Variants in RPAP3 observed in about 807,000 individuals in gnomAD.
RPAP3 encodes RNA polymerase II-associated protein 3.
Under a neutral mutation model 88.8 loss-of-function variants are expected in RPAP3, and 58 were observed. The observed-to-expected ratio is 0.65, with a 90% CI of 0.53 to 0.81. The LOEUF (loss-of-function observed/expected upper bound fraction) is 0.81. Ranked by LOEUF, RPAP3 falls within the 40% of genes least tolerant of loss-of-function variation. The pLI, the probability that RPAP3 is intolerant of heterozygous loss-of-function variation, is 0.00. For synonymous variants in RPAP3, 255 were observed against 259.9 expected (o/e 0.98, Z 0.18); for missense variants, 751 against 764.3 (o/e 0.98, Z 0.20).
intron 16 of RPAP3, among the ~76,000 whole-genome samples, chr12:47,664,263 G>A (rs868730684): frequency 5.9e-5 from 9 of 152,080 alleles, no homozygotes; most frequent in Admixed American, 2.0e-4. Flanking sequence ...GATGGCGGGC[G>A]CCTGTAGTCC....
At position 47,662,923 on chromosome 12, in the gene RPAP3, C is replaced by A. The variant is rs1444047962; in HGVS notation, c.*582G>T. Reference sequence around the variant, plus strand: ...AACATGGATATCTTAAGGGAAAAAACCCTATGGCATTAAAATGTAAGAATA... The same window carrying A: ...AACATGGATATCTTAAGGGAAAAAAACCTATGGCATTAAAATGTAAGAATA... On this transcript the variant is annotated 3_prime_UTR_variant, in exon 17 of 17. Transcript: ENST00000005386. The A allele has an allele frequency of 6.6e-6, 1 of 152,188 alleles. No individual in the cohort carries two copies. The highest frequency in any genetic ancestry group is 1.9e-4 in the East Asian group (1 of 5,208). The allele number at this position is 152,188 out of a possible 1,614,324, so 9.4% of individuals were successfully genotyped here. A position where few individuals can be genotyped will look rare whatever the true frequency, so the allele number is the denominator to read the frequency against.
At chr12:47,665,141 G>A (rs898456535) in intron 16 of RPAP3, among the ~76,000 whole-genome samples, 5 of 150,246 alleles carry the variant, frequency 3.3e-5, no homozygotes, top group African/African-American at 9.8e-5. Context: ...TGCCCAGGCT[G>A]GAGTGCAATG....
At chr12:47,702,339 AG>A (rs1939670163) in intron 2 of RPAP3, among the ~76,000 whole-genome samples, 1 of 152,182 alleles carries the variant, frequency 6.6e-6, no homozygotes, top group Admixed American at 6.5e-5. Flanking sequence ...TGAGGTCAAC[AG>A]ATCAAGACCA....
intron 12 of RPAP3, among the ~76,000 whole-genome samples, chr12:47,675,846 G>A (rs1939102418): frequency 6.6e-6 from 1 of 152,044 alleles, no homozygotes; most frequent in Non-Finnish European, 1.5e-5. Flanking sequence ...CGAGACAGAA[G>A]GTTAACAAGG....
chr12:47,701,402 A>G, intron 3 of RPAP3, 62 bp downstream of exon 3: 1 of 1,250,896 alleles, frequency 8.0e-7, no homozygotes, highest in South Asian at 1.7e-5. Flanking sequence ...ACCCATGATT[A>G]TCAGCTAACT....
At chr12:47,676,341 A>G (rs1156795045) in intron 12 of RPAP3, among the ~76,000 whole-genome samples, 1 of 152,236 alleles carries the variant, frequency 6.6e-6, no homozygotes, top group Non-Finnish European at 1.5e-5. Flanking sequence ...AAAGAACTAG[A>G]GAAGCAAGAG....
Position 47,667,094 on chromosome 12 carries a change from A to T in RPAP3, c.1812-14T>A, listed in dbSNP as rs1273532205. The T allele has an allele frequency of 1.6e-6, 2 of 1,226,296 alleles. No homozygotes were observed. Among genetic ancestry groups the T allele is most frequent in the Non-Finnish European group, 2.2e-6 (2 of 902,088 alleles). The allele number at this position is 1,226,296 out of a possible 1,614,324, so 76.0% of individuals were successfully genotyped here. A position where few individuals can be genotyped will look rare whatever the true frequency, so the allele number is the denominator to read the frequency against. On this transcript the variant is annotated splice_polypyrimidine_tract_variant and intron_variant, in intron 15 of 16. Coordinates refer to ENST00000005386, the MANE Select transcript of RPAP3 (RefSeq NM_024604.3). ...GGCTTTTCTTTCCTGAAATAATCCA[A>T]ATATAGAAACAAATGATCAGTTAAA... is the stretch of plus-strand genomic sequence containing the variant.
intron 16 of RPAP3, among the ~76,000 whole-genome samples, chr12:47,666,389 C>G (rs946255132): frequency 6.6e-6 from 1 of 152,212 alleles, no homozygotes; most frequent in African/African-American, 2.4e-5. Context: ...TTTCCTGCCT[C>G]AGAACCACTA....
chr12:47,685,196 T>A (rs548971708), intron 9 of RPAP3, among the ~76,000 whole-genome samples: 1 of 152,100 alleles, frequency 6.6e-6, no homozygotes, highest in Non-Finnish European at 1.5e-5. Context: ...CTGGCCAACA[T>A]GGCAAAACCC....
At chr12:47,697,514 T>G (rs2136641288) in intron 4 of RPAP3, 83 bp downstream of exon 4, 2 of 1,320,704 alleles carry the variant, frequency 1.5e-6, no homozygotes, top group East Asian at 4.8e-5. Context: ...GTACTAAAAC[T>G]ATGCTCAAGA....
chr12:47,699,184 T>G (rs1939597269), intron 3 of RPAP3, among the ~76,000 whole-genome samples: 1 of 152,242 alleles, frequency 6.6e-6, no homozygotes, highest in Admixed American at 6.5e-5. Context: ...AACTGCAAGC[T>G]ATGCAGTACA....
rs1258982352 is a variant in RPAP3 at position 47,663,425 on chromosome 12, T to C, written c.*80A>G. The stretch of plus-strand genomic sequence containing the variant: ...GTCCTTTCCTGCTATATAATTTCAT[T>C]TTCTTAAAAAGCAAAACACTTTCAG... On this transcript the variant is annotated 3_prime_UTR_variant, in exon 17 of 17. Coordinates refer to ENST00000005386, the MANE Select transcript of RPAP3 (RefSeq NM_024604.3). 1 of 875,424 alleles carries C rather than the reference T, an allele frequency of 1.1e-6. No individual in the cohort carries two copies. The highest frequency in any genetic ancestry group is 1.8e-6 in the Non-Finnish European group (1 of 545,754). The allele number at this position is 875,424 out of a possible 1,614,324, so 54.2% of individuals were successfully genotyped here. A position where few individuals can be genotyped will look rare whatever the true frequency, so the allele number is the denominator to read the frequency against.
At chr12:47,683,377 C>T (rs1005727663) in intron 9 of RPAP3, among the ~76,000 whole-genome samples, 1 of 152,140 alleles carries the variant, frequency 6.6e-6, no homozygotes, top group Admixed American at 6.5e-5. Flanking sequence ...CACAGAACAC[C>T]TGATACATTT....
At chr12:47,664,427 C>CA (rs1159837223) in intron 16 of RPAP3, among the ~76,000 whole-genome samples, 1 of 151,844 alleles carries the variant, frequency 6.6e-6, no homozygotes, top group East Asian at 1.9e-4. Context: ...TTATGAATCG[C>CA]AAAAAAATCA....
intron 3 of RPAP3, among the ~76,000 whole-genome samples, chr12:47,698,819 T>G (rs910837013): frequency 3.9e-5 from 6 of 152,312 alleles, no homozygotes; most frequent in Admixed American, 1.3e-4. Flanking sequence ...CCATTAGAGT[T>G]CATTAAAGCA....
At chr12:47,682,333 A>G (rs1939237195) in intron 9 of RPAP3, among the ~76,000 whole-genome samples, 1 of 152,168 alleles carries the variant, frequency 6.6e-6, no homozygotes, top group South Asian at 2.1e-4. Flanking sequence ...TCAGACTTAC[A>G]GACTTACTCA....
intron 5 of RPAP3, among the ~76,000 whole-genome samples, chr12:47,695,735 T>C (rs1939512081): frequency 6.6e-6 from 1 of 152,208 alleles, no homozygotes; most frequent in Non-Finnish European, 1.5e-5. Context: ...TTCCAAATAA[T>C]TAAAACAGTA....
At position 47,663,523 on chromosome 12, in the gene RPAP3, C is replaced by T; in HGVS notation, c.1980G>A (p.Lys660=). 2 of 1,589,392 alleles carry T rather than the reference C, an allele frequency of 1.3e-6. No homozygotes were observed. The highest frequency in any genetic ancestry group is 1.2e-5 in the South Asian group (1 of 86,866). ...GLKDSSVEEL[K]KRYGG is the part of the protein sequence containing the mutation. ...ATGGAAATCAACCACCGTATCTTTT[C>T]TTGAGTTCTTCGACAGAACTATCCT... Residue 660 remains lysine (K), a synonymous_variant, in exon 17 of 17, where the codon AAG becomes AAA. Coordinates refer to ENST00000005386, the MANE Select transcript of RPAP3 (RefSeq NM_024604.3).
chr12:47,680,706 C>G (rs552217373), intron 10 of RPAP3, among the ~76,000 whole-genome samples: 1 of 151,636 alleles, frequency 6.6e-6, no homozygotes, highest in African/African-American at 2.4e-5. Flanking sequence ...TCTGAAAAGA[C>G]TAATTCAATG....
Sources: gnomAD v4.1 joint callset for allele counts (sites outside exome capture counted in the v4.1 genomes callset) on GRCh38, gnomAD v4.1.1 for gene constraint, MANE v1.5 for transcripts, NCBI Gene and HGNC (gene_info 2026-07-23, HGNC 2026-07-21) for gene names.